GTPBP2: variants seen among roughly 807,000 people sequenced by gnomAD.
The protein encoded by GTPBP2 is GTP binding protein 2, also known as GTP-binding protein 2.
GTPBP2 carries 32 observed loss-of-function variants against 63.0 expected under a neutral mutation model. The observed-to-expected ratio is 0.51, with a 90% confidence interval of 0.38 to 0.68. GTPBP2 has a LOEUF of 0.68. Among genes scored for constraint, GTPBP2 ranks in the 30% least tolerant of loss-of-function variants. The pLI is 0.00. For synonymous variants in GTPBP2, 310 were observed against 322.6 expected (o/e 0.96, Z 0.42); for missense variants, 492 against 796.9 (o/e 0.62, Z 4.61).
chr6:43,628,992 C>CG lies in GTPBP2; in HGVS notation c.170dup (p.Tyr58ValfsTer7). On this transcript the variant is annotated frameshift_variant, in exon 1 of 12. Transcript: ENST00000307126. LOFTEE classifies it high-confidence loss of function. The stretch of plus-strand genomic sequence containing the variant: ...AGGTGCTCACCTCGGGGGGCAAATA[C>CG]GGGGGGTTGTTGGCTTTGCCCCCTC... The CG allele has an allele frequency of 6.2e-7, 1 of 1,613,860 alleles. No homozygotes were observed. The highest frequency in any genetic ancestry group is 2.2e-5 in the East Asian group (1 of 44,888).
rs760125072 is a variant in GTPBP2, at chr6:43,625,782, C to T, written c.481G>A (p.Val161Ile). 1 of 1,613,758 alleles carries T rather than the reference C, an allele frequency of 6.2e-7. No homozygotes were observed. Among genetic ancestry groups the T allele is most frequent in the Non-Finnish European group, 8.5e-7 (1 of 1,179,626 alleles). ...DMPRKITEVL[V>I]RKVPDNQQFL... ...TGTTGGTTGTCAGGGACCTTTCGTA[C>T]TAGCACCTCGGTGATCTTCCGGGGC... Residue 161 changes from valine (V) to isoleucine (I), a missense_variant, in exon 4 of 12, where the codon GTA becomes ATA. Val to Ile is a conservative substitution (Grantham distance 29, BLOSUM62 3). Coordinates refer to ENST00000307126, the MANE Select transcript of GTPBP2 (RefSeq NM_019096.5). The surrounding 1 kb of genome is among the most constrained non-coding windows in gnomAD (Gnocchi z 5.1).
chr6:43,625,761 G>A lies in GTPBP2; in HGVS notation c.502C>T (p.Gln168Ter). The A allele has an allele frequency of 6.2e-7, 1 of 1,607,918 alleles. No homozygotes were observed. Among genetic ancestry groups the A allele is most frequent in the Non-Finnish European group, 8.5e-7 (1 of 1,174,278 alleles). ...EVLVRKVPDN[Q>*]QFLDLRVAVL... Reference sequence around the variant, plus strand: ...AGGGATGGGTGTGTGCTCACCTGTTGGTTGTCAGGGACCTTTCGTACTAGC... The same window carrying A: ...AGGGATGGGTGTGTGCTCACCTGTTAGTTGTCAGGGACCTTTCGTACTAGC... Residue 168 changes from glutamine (Q) to a stop codon, truncating the protein, a stop_gained, in exon 4 of 12, where the codon CAA becomes TAA. Transcript: ENST00000307126. LOFTEE classifies it high-confidence loss of function. The surrounding 1 kb of genome is among the most constrained non-coding windows in gnomAD (Gnocchi z 5.1).
intron 9 of GTPBP2, 75 bp downstream of exon 9, chr6:43,623,662 C>T: frequency 9.2e-7 from 1 of 1,087,136 alleles, no homozygotes; most frequent in Non-Finnish European, 1.4e-6. Flanking sequence ...TCCAGGGTCT[C>T]CTCCTTTGGG....
At position 43,624,368 on chromosome 6, in the gene GTPBP2, C is replaced by T; in HGVS notation, c.1100+142G>A. The T allele has an allele frequency of 2.9e-6, 2 of 689,084 alleles. No individual in the cohort carries two copies. The highest frequency in any genetic ancestry group is 2.7e-5 in the East Asian group (1 of 36,846). The allele number at this position is 689,084 out of a possible 1,614,324, so 42.7% of individuals were successfully genotyped here. On this transcript the variant is annotated intron_variant, in intron 7 of 11. Transcript: ENST00000307126. This position sits in a 1 kb window ranked among gnomAD's most constrained non-coding sequence, Gnocchi z 5.1. The stretch of plus-strand genomic sequence containing the variant: ...GGTCAAGCCCTTTAGCAAGATGCCC[C>T]TCCACAATCCCAAGCTGAAACACCC...
intron 1 of GTPBP2, chr6:43,628,665 G>T: frequency 1.2e-6 from 1 of 806,468 alleles, no homozygotes. Flanking sequence ...TTGCCCTATG[G>T]CGGCACACGC....
chr6:43,626,298 T>C lies in GTPBP2; in HGVS notation c.326A>G (p.Asn109Ser), dbSNP rs760931363. 1.9e-6 allele frequency: 3 copies of C among 1,614,208 alleles called. No individual in the cohort carries two copies. The highest frequency in any genetic ancestry group is 1.7e-6 in the Non-Finnish European group (2 of 1,180,020). The change falls in exon 3 of 12, where the codon AAT becomes AGT. Residue 109 changes from asparagine (N) to serine (S), a missense_variant. Around this residue, in one of 2 missense-constraint regions of GTPBP2, gnomAD observed 400 missense variants for 710.8 expected, o/e 0.56. Transcript: ENST00000307126. The surrounding 1 kb of genome is among the most constrained non-coding windows in gnomAD (Gnocchi z 4.0). ...EAVYQIGVED[N>S]GLLVGLAEEE... ...CTCAGCCAGCCCCACCAGCAGCCCA[T>C]TGTCCTCTACCCCAATCTGGTAGAC...
chr6:43,622,577 C>T lies in GTPBP2; in HGVS notation c.1467+56G>A. The T allele has an allele frequency of 6.7e-7, 1 of 1,498,972 alleles. No individual in the cohort carries two copies. The highest frequency in any genetic ancestry group is 9.2e-7 in the Non-Finnish European group (1 of 1,089,850). 92.9% of individuals were successfully genotyped at this position (1,498,972 alleles called of 1,614,324 possible). ...CTTAGATAGGTGCTCATTCAGTAGC[C>T]AGTCTCCTAGGCACTTCTCTTAGCG... On this transcript the variant is annotated intron_variant, in intron 10 of 11. Coordinates refer to ENST00000307126, the MANE Select transcript of GTPBP2 (RefSeq NM_019096.5). The surrounding 1 kb of genome is among the most constrained non-coding windows in gnomAD (Gnocchi z 5.4).
At position 43,621,548 on chromosome 6, in the gene GTPBP2, C is replaced by T. The variant is rs1485216556; in HGVS notation, c.*66G>A. On this transcript the variant is annotated 3_prime_UTR_variant, in exon 12 of 12. Transcript: ENST00000307126. ...ACACACAGAGCCGCCAATGGCAGGG[C>T]AGCATGGCCAGAAGTCACCTTATAT... The T allele has an allele frequency of 1.9e-6, 3 of 1,611,122 alleles. No individual in the cohort carries two copies. The African/African-American group carries it at 4.0e-5, about 22-fold the overall frequency.
chr6:43,629,121 C>A lies in GTPBP2; in HGVS notation c.42G>T (p.Arg14=). The A allele has an allele frequency of 6.6e-7, 1 of 1,523,360 alleles. No homozygotes were observed. The highest frequency in any genetic ancestry group is 1.2e-5 in the South Asian group (1 of 81,868). 94.4% of individuals were successfully genotyped at this position (1,523,360 alleles called of 1,614,324 possible). The change falls in exon 1 of 12, where the codon CGG becomes CGT. Residue 14 remains arginine (R), a synonymous_variant. Coordinates refer to ENST00000307126, the MANE Select transcript of GTPBP2 (RefSeq NM_019096.5). ...CGCCCACGGCCGGGCCCCCTCCGGG[C>A]CGGCAGCAGCCGCCGAACAGCTCCG... ...RVSELFGGCC[R]PGGGPAVGGT...
rs199783954 is a variant in GTPBP2, at chr6:43,625,097, C to A, written c.706-35G>T. On this transcript the variant is annotated intron_variant, in intron 5 of 11. Transcript: ENST00000307126. This position sits in a 1 kb window ranked among gnomAD's most constrained non-coding sequence, Gnocchi z 5.1. ...GGCCCAGGGCCCTCAGTGCCTCCTG[C>A]CAGCCCTTCCAACCCCTTCAGAGTT... 1 of 1,600,960 alleles carries A rather than the reference C, an allele frequency of 6.2e-7. No individual in the cohort carries two copies. The highest frequency in any genetic ancestry group is 8.5e-7 in the Non-Finnish European group (1 of 1,171,354).
chr6:43,625,013 C>G lies in GTPBP2; in HGVS notation c.755G>C (p.Ser252Thr). 5.0e-6 allele frequency: 8 copies of G among 1,613,976 alleles called. No individual in the cohort carries two copies. Among genetic ancestry groups the G allele is most frequent in the Non-Finnish European group, 6.8e-6 (8 of 1,179,988 alleles). ...GTCGATGAAGGTGATCATCTTGGAG[C>G]TGCTCTCACAGATCTCTTCTGCTGT... ...SRTAEEICES[S>T]SKMITFIDLA... Residue 252 changes from serine (S) to threonine (T), a missense_variant, in exon 6 of 12, where the codon AGC becomes ACC. By Grantham distance (58) the Ser-to-Thr change is moderately conservative (BLOSUM62 1). Coordinates refer to ENST00000307126, the MANE Select transcript of GTPBP2 (RefSeq NM_019096.5). This position sits in a 1 kb window ranked among gnomAD's most constrained non-coding sequence, Gnocchi z 5.1.
upstream of GTPBP2, chr6:43,629,832 G>T: frequency 6.5e-7 from 1 of 1,527,500 alleles, no homozygotes; most frequent in Non-Finnish European, 8.8e-7. Context: ...GGCTGTTATT[G>T]TTGGGATGAT....
chr6:43,628,979 C>T lies in GTPBP2; in HGVS notation c.184G>A (p.Glu62Lys). ...KANNPPYLPP[E>K]AEDGNIEYKL... ...CCTACCACTTCTCAGGTGCTCACCT[C>T]GGGGGGCAAATACGGGGGGTTGTTG... The change falls in exon 1 of 12, where the codon GAG becomes AAG. Residue 62 changes from glutamate (E) to lysine (K), a missense_variant and splice_region_variant. By Grantham distance (56) the Glu-to-Lys change is moderately conservative. Coordinates refer to ENST00000307126, the MANE Select transcript of GTPBP2 (RefSeq NM_019096.5). 6.2e-7 allele frequency: 1 copy of T among 1,613,608 alleles called. No homozygotes were observed. The highest frequency in any genetic ancestry group is 8.5e-7 in the Non-Finnish European group (1 of 1,179,610).
chr6:43,628,985 G>T lies in GTPBP2; in HGVS notation c.178C>A (p.Pro60Thr). ...ACTTCTCAGGTGCTCACCTCGGGGG[G>T]CAAATACGGGGGGTTGTTGGCTTTG... ...GGKANNPPYL[P>T]PEAEDGNIEY... The change falls in exon 1 of 12, where the codon CCC (proline) becomes ACC (threonine). Residue 60 changes from proline to threonine, a missense_variant. Coordinates refer to ENST00000307126, the MANE Select transcript of GTPBP2 (RefSeq NM_019096.5). 2 of 1,613,726 alleles carry T rather than the reference G, an allele frequency of 1.2e-6. No individual in the cohort carries two copies. The highest frequency in any genetic ancestry group is 1.7e-6 in the Non-Finnish European group (2 of 1,179,704).
rs1769205123 is a variant in GTPBP2, at chr6:43,625,239, C to T, written c.705+124G>A. ...AGAGGGGCAGAGCTTGTTCACAGTCCCCTCAGGGCATTCATCTATACTATT... is the reference window on the plus strand; with the variant it reads ...AGAGGGGCAGAGCTTGTTCACAGTCTCCTCAGGGCATTCATCTATACTATT... On this transcript the variant is annotated intron_variant, in intron 5 of 11. Coordinates refer to ENST00000307126, the MANE Select transcript of GTPBP2 (RefSeq NM_019096.5). This position sits in a 1 kb window ranked among gnomAD's most constrained non-coding sequence, Gnocchi z 5.1. 6 of 1,027,380 alleles carry T rather than the reference C, an allele frequency of 5.8e-6. No individual in the cohort carries two copies. The highest frequency in any genetic ancestry group is 8.9e-6 in the Non-Finnish European group (6 of 673,436). The allele number at this position is 1,027,380 out of a possible 1,614,324, so 63.6% of individuals were successfully genotyped here.
rs1769070630 is a variant in GTPBP2, at chr6:43,624,057, A to G, written c.1112T>C (p.Ile371Thr). 2 of 1,613,122 alleles carry G rather than the reference A, an allele frequency of 1.2e-6. No individual in the cohort carries two copies. Among genetic ancestry groups the G allele is most frequent in the Non-Finnish European group, 1.7e-6 (2 of 1,179,340 alleles). Residue 371 changes from isoleucine (I) to threonine (T), a missense_variant, in exon 8 of 12, where the codon ATC becomes ACC. By Grantham distance (89) the Ile-to-Thr change is moderately conservative (BLOSUM62 -1). This residue lies in a region of GTPBP2 where 400 missense variants were observed against 710.8 expected (regional missense o/e 0.56). Coordinates refer to ENST00000307126, the MANE Select transcript of GTPBP2 (RefSeq NM_019096.5). This position sits in a 1 kb window ranked among gnomAD's most constrained non-coding sequence, Gnocchi z 5.1. ...TCCAGACACACTGGACAATGTGAAG[A>G]TGGGGGTGACACTGTAGAGGGAGGC... Reference protein sequence around the residue: ...QFAQSPNVTPIFTLSSVSGES... With the variant: ...QFAQSPNVTPTFTLSSVSGES...
In GTPBP2 at chr6:43,622,256, G is replaced by A. The variant is rs1054030563; in HGVS notation, c.1468-89C>T. 1 of 1,088,310 alleles carries A rather than the reference G, an allele frequency of 9.2e-7. No individual in the cohort carries two copies. The highest frequency in any genetic ancestry group is 1.6e-5 in the African/African-American group (1 of 63,774). The allele number at this position is 1,088,310 out of a possible 1,614,324, so 67.4% of individuals were successfully genotyped here. On this transcript the variant is annotated intron_variant, in intron 10 of 11. Coordinates refer to ENST00000307126, the MANE Select transcript of GTPBP2 (RefSeq NM_019096.5). This position sits in a 1 kb window ranked among gnomAD's most constrained non-coding sequence, Gnocchi z 5.4. ...CCACCCCACACCCTTTATAGCTCCT[G>A]AATTTCCTCTTCCTCTACACAACTC...
rs1768693788 is a variant in GTPBP2, at chr6:43,621,203, T to C, written c.*411A>G. ...CAACTTACATGGCCTTGAGAAGAGG[T>C]ATAGAAAAAGGAGTGCTTTTGAGGG... On this transcript the variant is annotated 3_prime_UTR_variant, in exon 12 of 12. Transcript: ENST00000307126. 2.8e-6 allele frequency: 1 copy of C among 356,748 alleles called. No homozygotes were observed. Among genetic ancestry groups the C allele is most frequent in the Non-Finnish European group, 5.6e-6 (1 of 179,090 alleles). The allele number at this position is 356,748 out of a possible 1,614,324, so 22.1% of individuals were successfully genotyped here. A position where few individuals can be genotyped will look rare whatever the true frequency, so the allele number is the denominator to read the frequency against.
Position 43,629,028 on chromosome 6 carries a change from G to A in GTPBP2, c.135C>T (p.Asn45=), listed in dbSNP as rs369153630. Residue 45 remains asparagine (N), a synonymous_variant, in exon 1 of 12, where the codon AAC becomes AAT. Coordinates refer to ENST00000307126, the MANE Select transcript of GTPBP2 (RefSeq NM_019096.5). ...GCGGPKGKKK[N]GRNRGGKANN... is the part of the protein sequence containing the mutation. ...TGGCTTTGCCCCCTCTGTTCCTTCC[G>A]TTCTTCTTCTTTCCCTTTGGCCCCC... The A allele has an allele frequency of 1.4e-5, 23 of 1,613,292 alleles. 1 individual carries two copies. Among genetic ancestry groups the A allele is most frequent in the Middle Eastern group, 1.6e-4 (1 of 6,068 alleles).
Sources: allele counts gnomAD v4.1 joint callset, GRCh38; gene constraint gnomAD v4.1.1; regional missense constraint gnomAD v4.1.1; non-coding constraint Gnocchi (gnomAD v3.1); transcripts MANE v1.5; gene names NCBI Gene and HGNC (gene_info 2026-07-23, HGNC 2026-07-21).